Variants in LYPD6 observed in about 807,000 individuals in gnomAD.
LYPD6 encodes ly6/PLAUR domain-containing protein 6.
LYPD6 carries 15 observed loss-of-function variants against 22.7 expected under a neutral mutation model. The observed-to-expected ratio is 0.66, with a 90% CI of 0.44 to 1.02. The LOEUF is 1.02. LYPD6 is among the 50% of genes least tolerant of loss of function. The probability of loss-of-function intolerance (pLI) is 0.00; values close to 1 mark genes in which losing one functional copy is unlikely to be tolerated. For missense variants in LYPD6, 189 were observed against 208.4 expected (o/e 0.91, Z 0.57); for synonymous variants, 72 against 77.5 (o/e 0.93, Z 0.37).
At chr2:149,466,139 T>A (rs1681195639) in intron 3 of LYPD6, among the ~76,000 whole-genome samples, 2 of 152,164 alleles carry the variant, frequency 1.3e-5, no homozygotes, top group South Asian at 4.1e-4. Flanking sequence ...GTGGCCCACC[T>A]AGTTCTACTT....
intron 1 of LYPD6, among the ~76,000 whole-genome samples, chr2:149,433,224 C>A (rs1171554165): frequency 1.3e-5 from 2 of 151,986 alleles, no homozygotes; most frequent in Non-Finnish European, 2.9e-5. Flanking sequence ...TATTTGAATC[C>A]CCCAAATTTG....
chr2:149,335,058 A>T (rs555959610), intron 1 of LYPD6, among the ~76,000 whole-genome samples: 91 of 152,330 alleles, frequency 6.0e-4, no homozygotes, highest in Non-Finnish European at 1.1e-3. Context: ...CTTGAGAATG[A>T]TATTAAACAC....
chr2:149,475,128 G>A (rs994305722), downstream of LYPD6, among the ~76,000 whole-genome samples: 5 of 152,056 alleles, frequency 3.3e-5, no homozygotes, highest in South Asian at 2.1e-4. Flanking sequence ...TAGGGCATGC[G>A]AGCTCTATAA....
chr2:149,363,465 C>T (rs1681606438), intron 1 of LYPD6, among the ~76,000 whole-genome samples: 1 of 152,212 alleles, frequency 6.6e-6, no homozygotes, highest in South Asian at 2.1e-4. Flanking sequence ...GCTCCCAGGT[C>T]TGTGGCCACA....
rs192187471 is a variant in LYPD6, at chr2:149,430,325, C to A, written c.-71-7313C>A. ...ATGTTGGCCAGACTGGTCTCAAACT[C>A]CTGACCTCAGTTGATCCTCCTGCCT... On this transcript the variant is annotated intron_variant, in intron 1 of 4. Coordinates refer to ENST00000334166, the MANE Select transcript of LYPD6 (RefSeq NM_194317.5). Among the ~76,000 whole-genome samples, 1,199 of 152,236 alleles carry A rather than the reference C, an allele frequency of 7.9e-3. 8 individuals carry two copies. The highest frequency in any genetic ancestry group is 0.028 in the African/African-American group (1,160 of 41,534).
chr2:149,365,681 A>G (rs1054270180), intron 1 of LYPD6, among the ~76,000 whole-genome samples: 1 of 152,172 alleles, frequency 6.6e-6, no homozygotes, highest in Non-Finnish European at 1.5e-5. Context: ...ATTCTTCCTA[A>G]TGAGAAAAAT....
intron 1 of LYPD6, among the ~76,000 whole-genome samples, chr2:149,355,127 A>G (rs759384377): frequency 2.0e-5 from 3 of 152,236 alleles, no homozygotes; most frequent in Non-Finnish European, 4.4e-5. Context: ...GTTACATTAA[A>G]TGTTAGTCTG....
chr2:149,364,796 T>C (rs955312079), intron 1 of LYPD6, among the ~76,000 whole-genome samples: 7 of 152,126 alleles, frequency 4.6e-5, no homozygotes, highest in Non-Finnish European at 8.8e-5. Flanking sequence ...TAATTAACAC[T>C]CCCACCAGTA....
chr2:149,343,677 G>A (rs1344628261), intron 1 of LYPD6, among the ~76,000 whole-genome samples: 1 of 152,146 alleles, frequency 6.6e-6, no homozygotes, highest in East Asian at 1.9e-4. Flanking sequence ...AGATGTGGGT[G>A]GAAAGGAAAG....
At chr2:149,449,632 TTGAAGGA>T (rs1167629362) in intron 3 of LYPD6, among the ~76,000 whole-genome samples, 2 of 152,218 alleles carry the variant, frequency 1.3e-5, no homozygotes, top group Non-Finnish European at 2.9e-5. Context: ...TAAGTTTTTT[TTGAAGGA>T]TGAGATGAAC....
At chr2:149,454,722 T>G (rs780153930) in intron 3 of LYPD6, among the ~76,000 whole-genome samples, 1 of 152,076 alleles carries the variant, frequency 6.6e-6, no homozygotes, top group African/African-American at 2.4e-5. Context: ...GAAGTGCTAG[T>G]TGCTGCACAA....
At chr2:149,451,157 G>C (rs7581827) in intron 3 of LYPD6, among the ~76,000 whole-genome samples, 1 of 152,156 alleles carries the variant, frequency 6.6e-6, no homozygotes, top group Non-Finnish European at 1.5e-5. Context: ...TTCTAGAAGG[G>C]CATAGACTCT....
At chr2:149,415,195 T>C (rs1415471755) in intron 1 of LYPD6, among the ~76,000 whole-genome samples, 3 of 152,102 alleles carry the variant, frequency 2.0e-5, no homozygotes, top group Non-Finnish European at 4.4e-5. Context: ...GTGTAGGATG[T>C]GGAGGAATCT....
rs1318157499 is a variant in LYPD6 at position 149,437,674 on chromosome 2, C to G, written c.-35C>G. 6.2e-7 allele frequency: 1 copy of G among 1,612,442 alleles called. No individual in the cohort carries two copies. The highest frequency in any genetic ancestry group is 1.3e-5 in the African/African-American group (1 of 74,868). On this transcript the variant is annotated 5_prime_UTR_variant, in exon 2 of 5. Coordinates refer to ENST00000334166, the MANE Select transcript of LYPD6 (RefSeq NM_194317.5). The stretch of plus-strand genomic sequence containing the variant: ...CTCCTGTTGCCCTGAGTGCCCACTC[C>G]CAGGCCCTCTGTATGAGTGACACTT...
At chr2:149,345,034 G>A (rs528356972) in intron 1 of LYPD6, among the ~76,000 whole-genome samples, 3 of 151,958 alleles carry the variant, frequency 2.0e-5, no homozygotes, top group Non-Finnish European at 4.4e-5. Flanking sequence ...ATTCTAGCCT[G>A]AGCAACACAG....
chr2:149,446,287 C>A (rs1004997925), intron 2 of LYPD6, among the ~76,000 whole-genome samples: 21 of 152,050 alleles, frequency 1.4e-4, no homozygotes, highest in African/African-American at 5.1e-4. Flanking sequence ...GCAAGCATTC[C>A]CAAAATGTGA....
intron 1 of LYPD6, among the ~76,000 whole-genome samples, chr2:149,364,156 G>T (rs746463589): frequency 1.3e-5 from 2 of 152,168 alleles, no homozygotes; most frequent in Admixed American, 6.5e-5. Flanking sequence ...AAAGTCATTT[G>T]TGGTGGAGAA....
chr2:149,331,753 A>G (rs1680943392), intron 1 of LYPD6, among the ~76,000 whole-genome samples: 1 of 152,100 alleles, frequency 6.6e-6, no homozygotes, highest in Non-Finnish European at 1.5e-5. Context: ...ATGGTAACCT[A>G]CCCAAGGTGT....
At position 149,436,503 on chromosome 2, in the gene LYPD6, G is replaced by A. The variant is rs192226100; in HGVS notation, c.-71-1135G>A. Among the ~76,000 whole-genome samples the A allele has an allele frequency of 5.3e-5, 8 of 152,252 alleles. No individual in the cohort carries two copies. In the East Asian group the frequency reaches 1.5e-3, roughly 29 times the overall value. Reference sequence around the variant, plus strand: ...AGATTTGTCTTTTCCTTAATTTTGAGTGAAAAGGACAATCAGAATAAAGGA... The same window carrying A: ...AGATTTGTCTTTTCCTTAATTTTGAATGAAAAGGACAATCAGAATAAAGGA... On this transcript the variant is annotated intron_variant, in intron 1 of 4. Transcript: ENST00000334166.
Sources: allele counts gnomAD v4.1 joint callset (sites outside exome capture counted in the v4.1 genomes callset), GRCh38; gene constraint gnomAD v4.1.1; transcripts MANE v1.5; gene names NCBI Gene and HGNC (gene_info 2026-07-23, HGNC 2026-07-21).